NAV2: variants seen among roughly 807,000 people sequenced by gnomAD.
NAV2 encodes the protein neuron navigator 2.
NAV2 carries 54 observed loss-of-function variants against 223.2 expected under a neutral mutation model. That is an observed-to-expected ratio of 0.24 (90% CI 0.19 to 0.30). The LOEUF is 0.30. NAV2 is among the 10% of genes least tolerant of loss of function. The pLI is 1.00. For synonymous variants in NAV2, 1,279 were observed against 1,239.3 expected (o/e 1.03, Z -0.67); for missense variants, 2,806 against 3,147.5 (o/e 0.89, Z 2.60).
At chr11:19,757,041 G>C (rs979311367) in intron 1 of NAV2, among the ~76,000 whole-genome samples, 11 of 139,342 alleles carry the variant, frequency 7.9e-5, no homozygotes, top group Admixed American at 7.6e-4. Flanking sequence ...CCACGGGGAA[G>C]ACCCTGATGC....
At chr11:19,921,349 T>C (rs2044259187) in intron 6 of NAV2, among the ~76,000 whole-genome samples, 1 of 152,232 alleles carries the variant, frequency 6.6e-6, no homozygotes, top group South Asian at 2.1e-4. Context: ...CGTTCTTTGG[T>C]TGGCTCCTGA....
chr11:19,669,987 T>A (rs1297924106), intron 1 of NAV2, among the ~76,000 whole-genome samples: 1 of 152,224 alleles, frequency 6.6e-6, no homozygotes, highest in East Asian at 1.9e-4. Context: ...AAAGCCCTAA[T>A]GCTTTCAGTT....
chr11:19,965,697 G>T lies in NAV2; in HGVS notation c.2645+16617G>T, dbSNP rs1448538185. Among the ~76,000 whole-genome samples, 4 of 152,186 alleles carry T rather than the reference G, an allele frequency of 2.6e-5. No homozygotes were observed. The East Asian group carries it at 5.8e-4, about 22-fold the overall frequency. ...TCAGTGGCTCTTCACTGCCTGCTGA[G>T]AAAACTCTGTGTTTTAGTTACTGTT... On this transcript the variant is annotated intron_variant, in intron 10 of 37. Transcript: ENST00000349880.
At position 19,713,914 on chromosome 11, in the gene NAV2, G is replaced by A. The variant is rs762251758; in HGVS notation, c.219G>A (p.Gly73=). 2.5e-6 allele frequency: 4 copies of A among 1,613,432 alleles called. No homozygotes were observed. In the East Asian group the frequency reaches 8.9e-5, roughly 36 times the overall value. ...LQGLQEPAGE[G]LPLRKSGSVE... is the part of the protein sequence containing the mutation. ...GGCTGCAGGAGCCAGCGGGGGAGGG[G>A]CTCCCGCTGCGGAAGAGCGGCTCGG... The change falls in exon 1 of 38, where the codon GGG becomes GGA. Residue 73 remains glycine, a synonymous_variant. Coordinates refer to ENST00000349880, the MANE Select transcript of NAV2 (RefSeq NM_145117.5). The surrounding 1 kb of genome is among the most constrained non-coding windows in gnomAD (Gnocchi z 7.2).
chr11:19,631,658 A>G (rs1431481324), intron 1 of NAV2, among the ~76,000 whole-genome samples: 1 of 152,140 alleles, frequency 6.6e-6, no homozygotes, highest in Non-Finnish European at 1.5e-5. Context: ...TTAAGGAGAG[A>G]CTTGCATTCA....
chr11:19,507,084 C>T (rs1336962823), intron 1 of NAV2: 1 of 152,172 alleles, frequency 6.6e-6, no homozygotes, highest in Non-Finnish European at 1.5e-5. Context: ...ATGTGCCTGG[C>T]TTGATGGTGT....
intron 1 of NAV2, among the ~76,000 whole-genome samples, chr11:19,464,279 T>C (rs1227820450): frequency 6.6e-6 from 1 of 152,078 alleles, no homozygotes; most frequent in African/African-American, 2.4e-5. Context: ...CTGTTGCTAT[T>C]GTGAGGGGCT....
intron 1 of NAV2, among the ~76,000 whole-genome samples, chr11:19,567,298 G>A (rs2045297634): frequency 2.0e-5 from 3 of 152,198 alleles, no homozygotes; most frequent in Admixed American, 2.0e-4. Flanking sequence ...CAGGGCTGTG[G>A]AAGGGAAGTG....
intron 11 of NAV2, among the ~76,000 whole-genome samples, chr11:20,014,649 C>G (rs2053851371): frequency 6.6e-6 from 1 of 152,154 alleles, no homozygotes; most frequent in Non-Finnish European, 1.5e-5. Flanking sequence ...TGCCTGTATT[C>G]CCAGCCCTTT....
At chr11:19,825,905 T>C (rs2059622461) in intron 1 of NAV2, among the ~76,000 whole-genome samples, 1 of 152,170 alleles carries the variant, frequency 6.6e-6, no homozygotes, top group Non-Finnish European at 1.5e-5. Flanking sequence ...CAAAATGAAT[T>C]CACTGTTTAG....
intron 4 of NAV2, among the ~76,000 whole-genome samples, chr11:19,878,494 A>C (rs2062993796): frequency 6.6e-6 from 1 of 152,150 alleles, no homozygotes; most frequent in Admixed American, 6.5e-5. Flanking sequence ...TGCACAACTA[A>C]GAAGTGGTAA....
chr11:19,404,345 G>A (rs1213842844), intron 1 of NAV2, among the ~76,000 whole-genome samples: 1 of 152,190 alleles, frequency 6.6e-6, no homozygotes, highest in African/African-American at 2.4e-5. Flanking sequence ...AACTTGGCAA[G>A]GGAGCAGAGC....
intron 1 of NAV2, among the ~76,000 whole-genome samples, chr11:19,781,136 G>A (rs1346028930): frequency 6.6e-6 from 1 of 152,182 alleles, no homozygotes; most frequent in Non-Finnish European, 1.5e-5. Flanking sequence ...AAGGCTCAGA[G>A]AGTTAAATGA....
intron 1 of NAV2, among the ~76,000 whole-genome samples, chr11:19,483,659 T>C (rs977750137): frequency 3.3e-5 from 5 of 152,156 alleles, no homozygotes; most frequent in African/African-American, 1.2e-4. Flanking sequence ...GTAAAAGTAA[T>C]GGCCACGGTG....
intron 1 of NAV2, among the ~76,000 whole-genome samples, chr11:19,571,690 G>C (rs111542181): frequency 2.0e-5 from 3 of 150,982 alleles, no homozygotes; most frequent in Non-Finnish European, 4.4e-5. Context: ...TGGGCAACAA[G>C]AGCGAGACTC....
At chr11:19,380,860 A>G (rs549544760) in intron 1 of NAV2, among the ~76,000 whole-genome samples, 30 of 152,296 alleles carry the variant, frequency 2.0e-4, no homozygotes, top group South Asian at 4.1e-4. Context: ...TTCCTGGGAC[A>G]TGGGACTCTC....
chr11:19,722,037 T>C (rs1347821172), intron 1 of NAV2, among the ~76,000 whole-genome samples: 1 of 152,232 alleles, frequency 6.6e-6, no homozygotes, highest in Non-Finnish European at 1.5e-5. Context: ...TTGTCACCGA[T>C]GCCCCTGATA....
intron 4 of NAV2, among the ~76,000 whole-genome samples, chr11:19,873,252 T>C (rs2062636002): frequency 1.3e-5 from 2 of 152,080 alleles, no homozygotes; most frequent in South Asian, 4.2e-4. Context: ...TTGATTCCAG[T>C]TAATAAGACA....
intron 1 of NAV2, among the ~76,000 whole-genome samples, chr11:19,381,871 G>T (rs1336002004): frequency 1.3e-5 from 2 of 152,330 alleles, no homozygotes; most frequent in Admixed American, 1.3e-4. Context: ...TCCTTTTAGA[G>T]GGGCCGTTTC....
Sources: gnomAD v4.1 joint callset for allele counts (sites outside exome capture counted in the v4.1 genomes callset) on GRCh38, gnomAD v4.1.1 for gene constraint, Gnocchi (gnomAD v3.1) non-coding constraint, MANE v1.5 for transcripts, NCBI Gene and HGNC (gene_info 2026-07-23, HGNC 2026-07-21) for gene names.